Variants in LPCAT2 observed in about 807,000 individuals in gnomAD.
LPCAT2 encodes the protein 1-AGP acyltransferase 11.
Under a neutral mutation model 64.7 loss-of-function variants are expected in LPCAT2, and 58 were observed. The observed-to-expected ratio is 0.90, with a 90% CI of 0.73 to 1.12. LPCAT2 has a LOEUF of 1.12. LPCAT2 is among the 50% of genes most tolerant of loss of function. The pLI is 0.00. For synonymous variants in LPCAT2, 252 were observed against 245.3 expected, an observed-to-expected ratio of 1.03 and a Z score of -0.26; for missense variants, 579 against 669.8, an observed-to-expected ratio of 0.86 and a Z score of 1.50.
rs1165050362 is a variant in LPCAT2 at position 55,528,372 on chromosome 16, CA to C, written c.312-2del. 1.5e-5 allele frequency: 24 copies of C among 1,609,652 alleles called. No individual in the cohort carries two copies. Among genetic ancestry groups the C allele is most frequent in the Non-Finnish European group, 2.0e-5 (23 of 1,176,826 alleles). On this transcript the variant is annotated splice_region_variant and splice_polypyrimidine_tract_variant and intron_variant, in intron 2 of 13. Transcript: ENST00000262134. ...GCTAATTACATCTTTTCTATATTTT[CA>C]AAGGAAAATTACTCAAACAGCTTTG...
chr16:55,533,726 A>G lies in LPCAT2; in HGVS notation c.763-717A>G, dbSNP rs150682222. On this transcript the variant is annotated intron_variant, in intron 6 of 13. Transcript: ENST00000262134. ...CTGCATCTGGCCTAGCTTAACATAT[A>G]AAGTCCAGAGTTGACTCAGGAAGTA... 2.5e-3 allele frequency among the ~76,000 whole-genome samples: 385 copies of G among 152,010 alleles called. 2 individuals carry two copies. The highest frequency in any genetic ancestry group is 0.02 in the Middle Eastern group (6 of 294).
In LPCAT2 at chr16:55,532,835, C is replaced by T. The variant is rs1963272113; in HGVS notation, c.715C>T (p.Pro239Ser). ...LITFKPGAFI[P>S]GVPVQPVLLR... is the part of the protein sequence containing the mutation. ...CAATGTGGTTGCAGGAGCCTTCATT[C>T]CAGGAGTTCCAGTGCAGCCAGTCCT... The change falls in exon 6 of 14, where the codon CCA becomes TCA. Residue 239 changes from proline (P) to serine (S), a missense_variant. By Grantham distance (74) the Pro-to-Ser change is moderately conservative. Transcript: ENST00000262134. 1 of 1,611,578 alleles carries T rather than the reference C, an allele frequency of 6.2e-7. No individual in the cohort carries two copies. Among genetic ancestry groups the T allele is most frequent in the Non-Finnish European group, 8.5e-7 (1 of 1,178,400 alleles).
chr16:55,545,875 C>T (rs372490488), intron 9 of LPCAT2, 58 bp downstream of exon 9: 13 of 1,352,830 alleles, frequency 9.6e-6, no homozygotes, highest in South Asian at 7.7e-5. Context: ...TTGTGCATGT[C>T]GTTTAACTCA....
chr16:55,572,683 T>C (rs1963784077), intron 11 of LPCAT2, among the ~76,000 whole-genome samples: 1 of 152,168 alleles, frequency 6.6e-6, no homozygotes, highest in Admixed American at 6.5e-5. Context: ...AAGCTGGGTG[T>C]GGTGGCACAC....
chr16:55,520,486 T>C (rs1174033770), intron 1 of LPCAT2, among the ~76,000 whole-genome samples: 1 of 152,134 alleles, frequency 6.6e-6, no homozygotes, highest in African/African-American at 2.4e-5. Context: ...ATTAATAATA[T>C]AGAAAATTTG....
chr16:55,545,616 T>C lies in LPCAT2; in HGVS notation c.853-119T>C, dbSNP rs1478127973. 6.0e-6 allele frequency: 4 copies of C among 672,026 alleles called. No homozygotes were observed. In the East Asian group the frequency reaches 1.1e-4, roughly 19 times the overall value. 41.6% of individuals were successfully genotyped at this position (672,026 alleles called of 1,614,324 possible). On this transcript the variant is annotated intron_variant, in intron 8 of 13. Coordinates refer to ENST00000262134, the MANE Select transcript of LPCAT2 (RefSeq NM_017839.5). ...AAGCCCAGTGCCCCATTACCTCATA[T>C]AACCTATGTTCTAGAAAGGTAGATG...
rs1314403551 is a variant in LPCAT2 at position 55,585,852 on chromosome 16, G to A, written c.*2754G>A. The A allele has an allele frequency of 6.6e-6, 1 of 152,128 alleles. No individual in the cohort carries two copies. The highest frequency in any genetic ancestry group is 6.6e-5 in the Admixed American group (1 of 15,258). 9.4% of individuals were successfully genotyped at this position (152,128 alleles called of 1,614,324 possible). A position where few individuals can be genotyped will look rare whatever the true frequency, so the allele number is the denominator to read the frequency against. On this transcript the variant is annotated 3_prime_UTR_variant, in exon 14 of 14. Transcript: ENST00000262134. ...AAAGCTCTTTGATTCCCAGAATCAA[G>A]AACTCTCCCCTTCAGACTATTACCG...
chr16:55,521,628 T>C (rs371691821), intron 1 of LPCAT2, among the ~76,000 whole-genome samples: 3 of 151,776 alleles, frequency 2.0e-5, no homozygotes, highest in African/African-American at 7.2e-5. Flanking sequence ...GATGATACTG[T>C]GTATATCACT....
At chr16:55,549,737 C>T (rs1188767606) in intron 10 of LPCAT2, among the ~76,000 whole-genome samples, 2 of 152,196 alleles carry the variant, frequency 1.3e-5, no homozygotes, top group Non-Finnish European at 2.9e-5. Context: ...TTAGATGATA[C>T]TGGCATGTGG....
At chr16:55,575,720 A>G (rs1424774232) in intron 12 of LPCAT2, among the ~76,000 whole-genome samples, 4 of 152,178 alleles carry the variant, frequency 2.6e-5, no homozygotes, top group African/African-American at 9.7e-5. Flanking sequence ...TTAGAGGCCA[A>G]TTGGGATAAG....
chr16:55,525,549 A>T lies in LPCAT2; in HGVS notation c.213A>T (p.Leu71Phe), dbSNP rs1479631198. 1 of 1,611,310 alleles carries T rather than the reference A, an allele frequency of 6.2e-7. No homozygotes were observed. Among genetic ancestry groups the T allele is most frequent in the Admixed American group, 1.7e-5 (1 of 59,678 alleles). Residue 71 changes from leucine to phenylalanine, a missense_variant, in exon 2 of 14, where the codon TTA becomes TTT. Physicochemically the swap from Leu to Phe is conservative, Grantham distance 22 (BLOSUM62 0). Transcript: ENST00000262134. Reference protein sequence around the residue: ...LGIILLPIRVLLVALILLLAW... With the variant: ...LGIILLPIRVFLVALILLLAW... ...TTATCTTGCTTCCAATTCGTGTCTT[A>T]TTGGTTGCGTTAATTTTATTACTTG... is the stretch of plus-strand genomic sequence containing the variant.
chr16:55,514,890 TTGTG>T (rs35295405), intron 1 of LPCAT2, among the ~76,000 whole-genome samples: 9,339 of 141,230 alleles, frequency 0.066, 328 homozygotes, highest in East Asian at 0.16. Context: ...ATGCAATGCA[TTGTG>T]TGTGTGTGTG....
intron 11 of LPCAT2, among the ~76,000 whole-genome samples, chr16:55,555,853 C>T (rs1963568193): frequency 6.6e-6 from 1 of 152,182 alleles, no homozygotes; most frequent in Non-Finnish European, 1.5e-5. Context: ...GTCACTCTGT[C>T]ACCCAGGCTG....
chr16:55,552,884 T>C (rs1230204683), intron 11 of LPCAT2, among the ~76,000 whole-genome samples: 2 of 152,252 alleles, frequency 1.3e-5, no homozygotes, highest in East Asian at 3.9e-4. Flanking sequence ...TGTGGCACTT[T>C]AAAAAAATAA....
At chr16:55,519,341 A>G (rs1208129076) in intron 1 of LPCAT2, among the ~76,000 whole-genome samples, 2 of 151,478 alleles carry the variant, frequency 1.3e-5, no homozygotes, top group Admixed American at 6.6e-5. Flanking sequence ...TCTACTAAAA[A>G]AAAAAAAAAT....
At chr16:55,515,499 T>TA (rs1962998849) in intron 1 of LPCAT2, among the ~76,000 whole-genome samples, 1 of 152,214 alleles carries the variant, frequency 6.6e-6, no homozygotes, top group African/African-American at 2.4e-5. Context: ...AATGAAAGGA[T>TA]ACTAGACAGT....
At chr16:55,513,816 C>A (rs1373410571) in intron 1 of LPCAT2, among the ~76,000 whole-genome samples, 5 of 152,124 alleles carry the variant, frequency 3.3e-5, no homozygotes, top group Non-Finnish European at 1.5e-5. Flanking sequence ...CTGGTGGCTG[C>A]CTGGAATGCC....
In LPCAT2 at chr16:55,544,386, G is replaced by A. The variant is rs558485288; in HGVS notation, c.853-1349G>A. On this transcript the variant is annotated intron_variant, in intron 8 of 13. Coordinates refer to ENST00000262134, the MANE Select transcript of LPCAT2 (RefSeq NM_017839.5). ...AGCACACAGTAGATGTTTAATGGAT[G>A]GTAACTCTTATTGGTGGATTTAGCT... 5.7e-4 allele frequency among the ~76,000 whole-genome samples: 87 copies of A among 152,116 alleles called. 1 individual carries two copies. Among genetic ancestry groups the A allele is most frequent in the Non-Finnish European group, 1.0e-3 (69 of 68,022 alleles).
chr16:55,581,021 C>T (rs984902025), intron 13 of LPCAT2, among the ~76,000 whole-genome samples: 14 of 152,200 alleles, frequency 9.2e-5, no homozygotes, highest in Admixed American at 7.9e-4. Flanking sequence ...TTGGGGACTG[C>T]TGCCTTAAAT....
Sources: allele counts gnomAD v4.1 joint callset (sites outside exome capture counted in the v4.1 genomes callset), GRCh38; gene constraint gnomAD v4.1.1; transcripts MANE v1.5; gene names NCBI Gene and HGNC (gene_info 2026-07-23, HGNC 2026-07-21).